The following RFX8 variants were observed in gnomAD, a reference collection of about 807,000 sequenced individuals.
RFX8 encodes DNA-binding protein RFX8.
RFX8 carries 46 observed loss-of-function variants against 54.6 expected under a neutral mutation model. The observed-to-expected ratio is 0.84, with a 90% CI of 0.67 to 1.08. The LOEUF is 1.08. RFX8 is among the 50% of genes least tolerant of loss of function. The pLI, the probability that RFX8 is intolerant of heterozygous loss-of-function variation, is 0.00. For synonymous variants in RFX8, 192 were observed against 209.5 expected, an observed-to-expected ratio of 0.92 and a Z score of 0.72; for missense variants, 536 against 562.3, an observed-to-expected ratio of 0.95 and a Z score of 0.47.
intron 9 of RFX8, among the ~76,000 whole-genome samples, chr2:101,408,667 A>T (rs1685904346): frequency 6.6e-6 from 1 of 152,196 alleles, no homozygotes; most frequent in Non-Finnish European, 1.5e-5. Context: ...TTTGCCTAAG[A>T]TCAACAGGAG....
chr2:101,466,815 T>G lies in RFX8; in HGVS notation c.34A>C (p.Asn12His). 6.4e-7 allele frequency: 1 copy of G among 1,551,694 alleles called. No individual in the cohort carries two copies. The change falls in exon 2 of 12, where the codon AAC becomes CAC. Residue 12 changes from asparagine to histidine, a missense_variant. Transcript: ENST00000428343. ...YEIYVETCGQ[N>H]TENQVNPATF... ...GCCGGGTTGACTTGGTTCTCAGTGT[T>G]TTGCCCACAGGTCTCCACGTAAATC...
At chr2:101,419,337 C>G (rs1020869150) in intron 4 of RFX8, among the ~76,000 whole-genome samples, 1 of 152,170 alleles carries the variant, frequency 6.6e-6, no homozygotes, top group Non-Finnish European at 1.5e-5. Flanking sequence ...CTGCCTCAAT[C>G]ATTTTTCAGC....
intron 2 of RFX8, chr2:101,450,488 A>G (rs1391121479): frequency 3.4e-6 from 2 of 588,108 alleles, no homozygotes; most frequent in African/African-American, 1.9e-5. Context: ...CCAGCCTCCC[A>G]AAGTGTTGGG....
chr2:101,417,629 AG>A lies in RFX8; in HGVS notation c.406del (p.Leu136Ter), dbSNP rs1320740802. 36 of 1,551,034 alleles carry A rather than the reference AG, an allele frequency of 2.3e-5. No individual in the cohort carries two copies. The Middle Eastern group carries it at 1.0e-3, about 43-fold the overall frequency. Reference sequence around the variant, plus strand: ...CTTACTAAATAACTGCACAGATTTCAGGTACTGAATAGAAACATCTTCCAAG... The same window carrying A: ...CTTACTAAATAACTGCACAGATTTCAGTACTGAATAGAAACATCTTCCAAG... ...DFLEDVSIQY[L>X]KSVQLFSKKF... On this transcript the variant is annotated frameshift_variant, in exon 6 of 12. Coordinates refer to ENST00000428343, the MANE Select transcript of RFX8 (RefSeq NM_001145664.2). LOFTEE classifies it high-confidence loss of function.
At chr2:101,419,922 C>T (rs550834802) in intron 4 of RFX8, among the ~76,000 whole-genome samples, 96 of 152,320 alleles carry the variant, frequency 6.3e-4, no homozygotes, top group African/African-American at 2.2e-3. Context: ...CTGGGTGGAG[C>T]CACCACCACA....
At chr2:101,430,073 T>C (rs757283269) in intron 2 of RFX8, among the ~76,000 whole-genome samples, 22 of 152,216 alleles carry the variant, frequency 1.4e-4, no homozygotes, top group Non-Finnish European at 2.5e-4. Context: ...ACAGGGCACA[T>C]AGATTCAGGG....
chr2:101,441,968 G>A lies in RFX8; in HGVS notation c.73-19496C>T, dbSNP rs7580923. On this transcript the variant is annotated intron_variant, in intron 2 of 11. Coordinates refer to ENST00000428343, the MANE Select transcript of RFX8 (RefSeq NM_001145664.2). ...ACTTGTTTTCTATTTGTTTCCTTTG[G>A]TTCTTCTTCTTCTATTTCTCTTTTC... is the stretch of plus-strand genomic sequence containing the variant. Among the ~76,000 whole-genome samples, 457 of 152,124 alleles carry A rather than the reference G, an allele frequency of 3.0e-3. 3 individuals carry two copies. The highest frequency in any genetic ancestry group is 0.011 in the African/African-American group (445 of 41,484).
At position 101,417,569 on chromosome 2, in the gene RFX8, C is replaced by T. The variant is rs1332356917; in HGVS notation, c.467G>A (p.Gly156Asp). ...FKLWLLNALE[G>D]VPALLQISKL... ...GGAGATCTGCAAGAGGGCTGGAACA[C>T]CTTCCAAAGCATTAAGGAGCCACAG... is the stretch of plus-strand genomic sequence containing the variant. The change falls in exon 6 of 12, where the codon GGT becomes GAT. Residue 156 changes from glycine to aspartate, a missense_variant. Coordinates refer to ENST00000428343, the MANE Select transcript of RFX8 (RefSeq NM_001145664.2). 1 of 1,551,404 alleles carries T rather than the reference C, an allele frequency of 6.4e-7. No homozygotes were observed. Among genetic ancestry groups the T allele is most frequent in the Admixed American group, 2.0e-5 (1 of 50,872 alleles).
At chr2:101,463,529 G>T (rs1394561388) in intron 2 of RFX8, among the ~76,000 whole-genome samples, 2 of 152,218 alleles carry the variant, frequency 1.3e-5, no homozygotes, top group African/African-American at 4.8e-5. Context: ...GGAGAGCCCA[G>T]ACTCTGCCTT....
intron 2 of RFX8, among the ~76,000 whole-genome samples, chr2:101,456,648 A>G (rs1688979452): frequency 6.6e-6 from 1 of 152,200 alleles, no homozygotes; most frequent in Admixed American, 6.5e-5. Flanking sequence ...ATCGATGTTC[A>G]TCAGGGATAT....
At chr2:101,413,848 C>G (rs2104556395) in intron 7 of RFX8, among the ~76,000 whole-genome samples, 1 of 152,260 alleles carries the variant, frequency 6.6e-6, no homozygotes, top group South Asian at 2.1e-4. Flanking sequence ...TGGGACACAA[C>G]CCCGCTGAGC....
intron 1 of RFX8, among the ~76,000 whole-genome samples, chr2:101,469,124 GTA>G (rs1190217211): frequency 5.2e-5 from 5 of 95,660 alleles, no homozygotes; most frequent in South Asian, 6.1e-4. Flanking sequence ...ATATATATAA[GTA>G]TATATATATA....
intron 1 of RFX8, among the ~76,000 whole-genome samples, chr2:101,471,506 A>G (rs946307942): frequency 1.8e-4 from 27 of 152,200 alleles, no homozygotes; most frequent in African/African-American, 6.5e-4. Flanking sequence ...GTAAAAGTCT[A>G]TGTGGGAGAT....
chr2:101,402,874 T>C (rs1366922288), intron 10 of RFX8, 122 bp from the exon 11 acceptor site: 18 of 873,490 alleles, frequency 2.1e-5, no homozygotes, highest in Non-Finnish European at 3.1e-5. Flanking sequence ...TCCAATAGCT[T>C]ACCCAGAAGA....
intron 10 of RFX8, 108 bp downstream of exon 10, chr2:101,405,835 G>T: frequency 1.7e-6 from 1 of 601,440 alleles, no homozygotes; most frequent in Non-Finnish European, 2.8e-6. Flanking sequence ...TACATAGAAA[G>T]GTTAAAAGAA....
chr2:101,421,740 C>G lies in RFX8; in HGVS notation c.221G>C (p.Arg74Pro), dbSNP rs749687328. The change falls in exon 4 of 12, where the codon CGA (arginine) becomes CCA (proline). Residue 74 changes from arginine to proline, a missense_variant. Coordinates refer to ENST00000428343, the MANE Select transcript of RFX8 (RefSeq NM_001145664.2). ...FLADEYCNYC[R>P]DILRNVEDLL... ...GTTCCTCACATTTCGTAAAATGTCT[C>G]GACAATAGTTGCAGTATTCGTCAGC... is the stretch of plus-strand genomic sequence containing the variant. The G allele has an allele frequency of 6.5e-7, 1 of 1,550,006 alleles. No homozygotes were observed. Among genetic ancestry groups the G allele is most frequent in the Admixed American group, 2.0e-5 (1 of 50,568 alleles).
At chr2:101,471,895 T>A (rs1394188859) in intron 1 of RFX8, among the ~76,000 whole-genome samples, 1 of 152,128 alleles carries the variant, frequency 6.6e-6, no homozygotes, top group Non-Finnish European at 1.5e-5. Context: ...AAATGGCAGG[T>A]TTCCTCCACA....
chr2:101,401,333 T>C (rs1163412839), intron 11 of RFX8, among the ~76,000 whole-genome samples: 2 of 152,178 alleles, frequency 1.3e-5, no homozygotes, highest in Admixed American at 1.3e-4. Flanking sequence ...GTAACAGGTG[T>C]GCAGGATCTC....
At chr2:101,418,787 A>C in intron 5 of RFX8, 64 bp downstream of exon 5, 1 of 1,031,434 alleles carries the variant, frequency 9.7e-7, no homozygotes, top group South Asian at 1.4e-5. Flanking sequence ...CTGTGGGTCC[A>C]AACCCAGCAT....
Sources: allele counts gnomAD v4.1 joint callset (sites outside exome capture counted in the v4.1 genomes callset), GRCh38; gene constraint gnomAD v4.1.1; transcripts MANE v1.5; gene names NCBI Gene and HGNC (gene_info 2026-07-23, HGNC 2026-07-21).